KCND3: variants seen among roughly 807,000 people sequenced by gnomAD.
The protein encoded by KCND3 is potassium voltage-gated channel subfamily D member 3, also known as A-type voltage-gated potassium channel KCND3.
A neutral mutation model predicts 51.1 loss-of-function variants in KCND3; 9 were observed. The ratio of observed to expected loss-of-function variants is 0.18; its 90% confidence interval spans 0.11 to 0.31. The LOEUF is 0.31. Among genes scored for constraint, KCND3 ranks in the 10% least tolerant of loss-of-function variants. KCND3 has a pLI of 1.00. For missense variants in KCND3, 526 were observed against 903.8 expected (o/e 0.58, Z 5.36); for synonymous variants, 349 against 368.0 (o/e 0.95, Z 0.59).
chr1:111,962,620 G>A (rs1286678780), intron 2 of KCND3, among the ~76,000 whole-genome samples: 3 of 152,176 alleles, frequency 2.0e-5, no homozygotes, highest in Non-Finnish European at 2.9e-5. Flanking sequence ...TTTTGATCAG[G>A]CGAAAGCCTA....
At chr1:111,885,328 A>G (rs1669520057) in intron 2 of KCND3, among the ~76,000 whole-genome samples, 1 of 152,218 alleles carries the variant, frequency 6.6e-6, no homozygotes, top group Admixed American at 6.5e-5. Flanking sequence ...CAACAACTCG[A>G]ATAAAGACAA....
rs79032603 is a variant in KCND3 at position 111,914,323 on chromosome 1, C to T, written c.1106+67298G>A. On this transcript the variant is annotated intron_variant, in intron 2 of 7. Coordinates refer to ENST00000302127, the MANE Select transcript of KCND3 (RefSeq NM_001378969.1). ...GGTGACCTGTAGGAAAGTAACAAGTCATCTAACATATATGTAACTGGGGTC... is the reference window on the plus strand; with the variant it reads ...GGTGACCTGTAGGAAAGTAACAAGTTATCTAACATATATGTAACTGGGGTC... 9.0e-3 allele frequency among the ~76,000 whole-genome samples: 1,328 copies of T among 146,802 alleles called. 17 individuals are homozygous for T. The highest frequency in any genetic ancestry group is 0.03 in the African/African-American group (1,215 of 40,190).
intron 2 of KCND3, among the ~76,000 whole-genome samples, chr1:111,904,347 G>C (rs1037140430): frequency 6.6e-6 from 1 of 152,232 alleles, no homozygotes; most frequent in South Asian, 2.1e-4. Flanking sequence ...CTGTCCCCAA[G>C]GCCTATGGGT....
chr1:111,986,335 A>C (rs1418918450), intron 1 of KCND3, among the ~76,000 whole-genome samples: 1 of 152,216 alleles, frequency 6.6e-6, no homozygotes, highest in Non-Finnish European at 1.5e-5. Context: ...GTCTCTTTCA[A>C]AGTGGCTAAG....
At chr1:111,868,665 T>C (rs1668693608) in intron 2 of KCND3, among the ~76,000 whole-genome samples, 1 of 152,236 alleles carries the variant, frequency 6.6e-6, no homozygotes, top group Admixed American at 6.5e-5. Context: ...ATAGATTTTA[T>C]CTAAACTCCA....
intron 6 of KCND3, 125 bp downstream of exon 6, chr1:111,778,311 A>C (rs1003578677): frequency 3.7e-5 from 33 of 887,948 alleles, no homozygotes; most frequent in Non-Finnish European, 6.2e-5. Context: ...CAGCAGAGGT[A>C]GGAGGAGCCC....
chr1:111,857,625 C>T (rs1358813270), intron 2 of KCND3, among the ~76,000 whole-genome samples: 1 of 151,640 alleles, frequency 6.6e-6, no homozygotes, highest in Non-Finnish European at 1.5e-5. Flanking sequence ...CTCCAGCTGT[C>T]TTCTCCTCTC....
At position 111,932,424 on chromosome 1, in the gene KCND3, G is replaced by A. The variant is rs529075412; in HGVS notation, c.1106+49197C>T. Among the ~76,000 whole-genome samples the A allele has an allele frequency of 3.3e-5, 5 of 152,260 alleles. No individual in the cohort carries two copies. In the South Asian group the frequency reaches 1.0e-3, roughly 32 times the overall value. Reference sequence around the variant, plus strand: ...CCATTTTTTAAGCTTACAATGCAGTGGCATTAAGTGCATTCACACTGCAGT... The same window carrying A: ...CCATTTTTTAAGCTTACAATGCAGTAGCATTAAGTGCATTCACACTGCAGT... On this transcript the variant is annotated intron_variant, in intron 2 of 7. Coordinates refer to ENST00000302127, the MANE Select transcript of KCND3 (RefSeq NM_001378969.1).
chr1:111,790,169 C>T (rs1390906351), intron 2 of KCND3, among the ~76,000 whole-genome samples: 1 of 152,174 alleles, frequency 6.6e-6, no homozygotes, highest in African/African-American at 2.4e-5. Context: ...ACACTGGAGT[C>T]CAACCTGGGT....
intron 2 of KCND3, among the ~76,000 whole-genome samples, chr1:111,959,184 G>C (rs553037346): frequency 1.3e-5 from 2 of 152,274 alleles, no homozygotes; most frequent in East Asian, 1.9e-4. Context: ...AAAGGGATTC[G>C]GTCGGTGGTG....
rs371095024 is a variant in KCND3, at chr1:111,954,710, C to T, written c.1106+26911G>A. On this transcript the variant is annotated intron_variant, in intron 2 of 7. Coordinates refer to ENST00000302127, the MANE Select transcript of KCND3 (RefSeq NM_001378969.1). The stretch of plus-strand genomic sequence containing the variant: ...AACGTAGGAGTGAAAACCTCTTTAA[C>T]CTCCAATGTCCATTGCAAATGGAGA... Among the ~76,000 whole-genome samples the T allele has an allele frequency of 1.8e-3, 269 of 152,314 alleles. 3 individuals are homozygous for T. Among genetic ancestry groups the T allele is most frequent in the African/African-American group, 6.2e-3 (257 of 41,572 alleles).
intron 2 of KCND3, among the ~76,000 whole-genome samples, chr1:111,900,096 A>G: frequency 6.6e-6 from 1 of 152,072 alleles, no homozygotes; most frequent in East Asian, 1.9e-4. Flanking sequence ...CTGGGGGACT[A>G]TCTTAGCCAT....
intron 2 of KCND3, among the ~76,000 whole-genome samples, chr1:111,864,958 A>AAGACACAGGAAACAGGAAAC (rs1668489600): frequency 6.6e-6 from 1 of 152,230 alleles, no homozygotes; most frequent in Non-Finnish European, 1.5e-5. Context: ...AGGCACAAGC[A>AAGACACAGGAAACAGGAAAC]AGACACAGGA....
intron 2 of KCND3, among the ~76,000 whole-genome samples, chr1:111,904,363 T>TG (rs1297591473): frequency 1.3e-5 from 2 of 152,040 alleles, no homozygotes; most frequent in African/African-American, 4.8e-5. Context: ...TGGGTGGGGT[T>TG]GGGGGTTGGT....
intron 2 of KCND3, among the ~76,000 whole-genome samples, chr1:111,819,232 T>C (rs1305016458): frequency 6.6e-6 from 1 of 152,004 alleles, no homozygotes; most frequent in Non-Finnish European, 1.5e-5. Flanking sequence ...AGCCTGGGAG[T>C]GTGGGACTGC....
chr1:111,907,954 CT>C (rs138549109), intron 2 of KCND3, among the ~76,000 whole-genome samples: 6,163 of 152,280 alleles, frequency 0.04, 432 homozygotes, highest in African/African-American at 0.14. Flanking sequence ...CATTGTCTTT[CT>C]ACTTGAAATT....
chr1:111,870,782 A>G (rs1448560004), intron 2 of KCND3, among the ~76,000 whole-genome samples: 1 of 152,234 alleles, frequency 6.6e-6, no homozygotes, highest in Non-Finnish European at 1.5e-5. Flanking sequence ...CCATCCATTC[A>G]ATCTAACAAA....
chr1:111,791,050 T>G (rs1664803797), intron 2 of KCND3, among the ~76,000 whole-genome samples: 1 of 152,274 alleles, frequency 6.6e-6, no homozygotes, highest in African/African-American at 2.4e-5. Flanking sequence ...CAAGTTTTTG[T>G]GTGGACACGT....
chr1:111,936,736 T>C (rs935452014), intron 2 of KCND3, among the ~76,000 whole-genome samples: 1 of 152,226 alleles, frequency 6.6e-6, no homozygotes, highest in African/African-American at 2.4e-5. Flanking sequence ...TGAAGCACTC[T>C]CAGGCCTCCT....
Sources: allele counts gnomAD v4.1 joint callset (sites outside exome capture counted in the v4.1 genomes callset), GRCh38; gene constraint gnomAD v4.1.1; transcripts MANE v1.5; gene names NCBI Gene and HGNC (gene_info 2026-07-23, HGNC 2026-07-21).